Variants in KDM5A observed in about 807,000 individuals in gnomAD.
The protein encoded by KDM5A is lysine-specific demethylase 5A.
A neutral mutation model predicts 193.5 loss-of-function variants in KDM5A; 42 were observed. The ratio of observed to expected loss-of-function variants is 0.22; its 90% CI spans 0.17 to 0.28. The LOEUF is 0.28. Among genes scored for constraint, KDM5A ranks in the 10% least tolerant of loss-of-function variants. The pLI is 1.00. For missense variants in KDM5A, 1,692 were observed against 2,055.1 expected (o/e 0.82, Z 3.42); for synonymous variants, 796 against 718.1 (o/e 1.11, Z -1.73).
rs1943147057 is a variant in KDM5A, at chr12:280,783, A to C, written c.*4673T>G. 1 of 232,892 alleles carries C rather than the reference A, an allele frequency of 4.3e-6. No individual in the cohort carries two copies. Among genetic ancestry groups the C allele is most frequent in the African/African-American group, 2.2e-5 (1 of 45,320 alleles). 14.4% of individuals were successfully genotyped at this position (232,892 alleles called of 1,614,324 possible). ...GAGGAAATGTGTTGGTCATCACTGGATTCTTGCTGGAAACAGAAGGCAGGT... is the reference window on the plus strand; with the variant it reads ...GAGGAAATGTGTTGGTCATCACTGGCTTCTTGCTGGAAACAGAAGGCAGGT... On this transcript the variant is annotated 3_prime_UTR_variant, in exon 28 of 28. Coordinates refer to ENST00000399788, the MANE Select transcript of KDM5A (RefSeq NM_001042603.3).
rs1591892763 is a variant in KDM5A at position 285,258 on chromosome 12, A to C, written c.*198T>G. On this transcript the variant is annotated 3_prime_UTR_variant, in exon 28 of 28. Transcript: ENST00000399788. Reference sequence around the variant, plus strand: ...TATTGGCTGTTGTACCAAAGAAGACACCCTCTGCATAGATATGTTGATAGA... The same window carrying C: ...TATTGGCTGTTGTACCAAAGAAGACCCCCTCTGCATAGATATGTTGATAGA... 1 of 602,078 alleles carries C rather than the reference A, an allele frequency of 1.7e-6. No individual in the cohort carries two copies. The highest frequency in any genetic ancestry group is 2.8e-5 in the East Asian group (1 of 36,266). 37.3% of individuals were successfully genotyped at this position (602,078 alleles called of 1,614,324 possible).
At chr12:369,011 G>C (rs1944391437) in intron 3 of KDM5A, among the ~76,000 whole-genome samples, 1 of 152,122 alleles carries the variant, frequency 6.6e-6, no homozygotes, top group Non-Finnish European at 1.5e-5. Context: ...GCTTTATGAT[G>C]TTATTATAAA....
At chr12:289,907 C>CT (rs750918968) in intron 27 of KDM5A, among the ~76,000 whole-genome samples, 3,066 of 99,618 alleles carry the variant, frequency 0.031, 93 homozygotes, top group African/African-American at 0.061. Flanking sequence ...TTCTTTCTTT[C>CT]TTTTTTTTTT....
intron 18 of KDM5A, 112 bp downstream of exon 18, chr12:320,883 A>AG (rs1943708646): frequency 2.5e-6 from 2 of 815,816 alleles, no homozygotes; most frequent in Middle Eastern, 4.5e-4. Context: ...TATATGTGAG[A>AG]GAAAAAAAAA....
chr12:334,659 A>G (rs1310389868), intron 10 of KDM5A, among the ~76,000 whole-genome samples: 1 of 152,090 alleles, frequency 6.6e-6, no homozygotes, highest in Non-Finnish European at 1.5e-5. Context: ...TTTACTCCAA[A>G]GCACATGAGC....
chr12:298,731 G>A (rs1036709062), intron 24 of KDM5A, among the ~76,000 whole-genome samples: 4 of 152,050 alleles, frequency 2.6e-5, no homozygotes, highest in African/African-American at 9.7e-5. Context: ...GCTTCAGAAG[G>A]TGGGTAATAA....
rs1312012549 is a variant in KDM5A at position 333,476 on chromosome 12, A to G, written c.1653+11T>C. 1 of 1,613,990 alleles carries G rather than the reference A, an allele frequency of 6.2e-7. No individual in the cohort carries two copies. The highest frequency in any genetic ancestry group is 1.1e-5 in the South Asian group (1 of 91,080). On this transcript the variant is annotated intron_variant, in intron 12 of 27. Coordinates refer to ENST00000399788, the MANE Select transcript of KDM5A (RefSeq NM_001042603.3). ...AAACAAACAACTGAAGGAAGACACCAAAAGACTCACAGGCACACCATGCTC... is the reference window on the plus strand; with the variant it reads ...AAACAAACAACTGAAGGAAGACACCGAAAGACTCACAGGCACACCATGCTC...
intron 6 of KDM5A, 115 bp downstream of exon 6, chr12:356,317 C>A (rs1251600665): frequency 3.1e-5 from 23 of 744,736 alleles, no homozygotes; most frequent in Non-Finnish European, 5.2e-5. Flanking sequence ...AACCACATTG[C>A]GATTTTACAA....
At chr12:338,077 G>C (rs1438432632) in intron 10 of KDM5A, among the ~76,000 whole-genome samples, 1 of 152,248 alleles carries the variant, frequency 6.6e-6, no homozygotes, top group African/African-American at 2.4e-5. Context: ...GCAGAGAGCA[G>C]CAGTATGCAC....
intron 9 of KDM5A, 93 bp downstream of exon 9, chr12:352,085 CAAAGCAAGACTCCGTCTCAAAAAAAAA>C: frequency 1.2e-6 from 1 of 867,270 alleles, no homozygotes; most frequent in East Asian, 2.8e-5. Context: ...GCCTGGGCGA[CAAAGCAAGACTCCGTCTCAAAAAAAAA>C]AAAAAAAAAA....
At chr12:317,378 C>T (rs1478480665) in intron 19 of KDM5A, among the ~76,000 whole-genome samples, 1 of 152,208 alleles carries the variant, frequency 6.6e-6, no homozygotes, top group African/African-American at 2.4e-5. Flanking sequence ...ACCACCCAAG[C>T]TCACCATGAT....
intron 3 of KDM5A, among the ~76,000 whole-genome samples, chr12:370,822 G>A (rs141147233): frequency 2.0e-5 from 3 of 152,228 alleles, no homozygotes; most frequent in African/African-American, 4.8e-5. Context: ...GTGTCCAAGT[G>A]TTCTCATTGT....
chr12:313,083 T>C lies in KDM5A; in HGVS notation c.3009A>G (p.Glu1003=), dbSNP rs368233821. The change falls in exon 20 of 28, where the codon GAA becomes GAG. Residue 1003 remains glutamate, a synonymous_variant. Coordinates refer to ENST00000399788, the MANE Select transcript of KDM5A (RefSeq NM_001042603.3). ...SLKEALQKAR[E]WTAKVEAIQS... The stretch of plus-strand genomic sequence containing the variant: ...GAATAGCTTCCACTTTAGCGGTCCA[T>C]TCTCGAGCCTTTTGTAAGGCTTCTT... 967 of 1,614,054 alleles carry C rather than the reference T, an allele frequency of 6.0e-4. 3 individuals carry two copies. The highest frequency in any genetic ancestry group is 7.3e-4 in the Non-Finnish European group (865 of 1,180,018).
At chr12:379,492 A>T (rs1200145552) in intron 3 of KDM5A, among the ~76,000 whole-genome samples, 1 of 152,158 alleles carries the variant, frequency 6.6e-6, no homozygotes, top group Non-Finnish European at 1.5e-5. Flanking sequence ...AATTTATTGA[A>T]CTGTACGCTT....
In KDM5A at chr12:350,726, A is replaced by G; in HGVS notation, c.1203T>C (p.Ile401=). The G allele has an allele frequency of 6.2e-7, 1 of 1,614,096 alleles. No individual in the cohort carries two copies. The highest frequency in any genetic ancestry group is 2.2e-5 in the East Asian group (1 of 44,876). ...CATATTCCACAATAACATCTTCTTC[A>G]ATGCTGCTTACCAGCCGCCAAAATT... ...EKEFWRLVSS[I]EEDVIVEYGA... Residue 401 remains isoleucine, a synonymous_variant, in exon 10 of 28, where the codon ATT becomes ATC. Coordinates refer to ENST00000399788, the MANE Select transcript of KDM5A (RefSeq NM_001042603.3).
At chr12:292,224 G>A (rs1949695858) in intron 27 of KDM5A, among the ~76,000 whole-genome samples, 1 of 152,112 alleles carries the variant, frequency 6.6e-6, no homozygotes, top group South Asian at 2.1e-4. Flanking sequence ...TGCATTTATA[G>A]GTTTGAATTA....
Position 354,896 on chromosome 12 carries a change from T to C in KDM5A, c.870+262A>G, listed in dbSNP as rs150573736. Among the ~76,000 whole-genome samples, 334 of 152,328 alleles carry C rather than the reference T, an allele frequency of 2.2e-3. 2 individuals are homozygous for C. The highest frequency in any genetic ancestry group is 7.4e-3 in the African/African-American group (308 of 41,580). ...GAATGAATACTGAGACTGTCTATAA[T>C]AGAACTCAACGACTTACACAGATTC... On this transcript the variant is annotated intron_variant, in intron 7 of 27. Transcript: ENST00000399788.
At chr12:309,781 A>G (rs766876402) in intron 22 of KDM5A, 22 bp downstream of exon 22, 1 of 1,613,690 alleles carries the variant, frequency 6.2e-7, no homozygotes, top group South Asian at 1.1e-5. Context: ...AAGCAAACTC[A>G]AGATGCTAGG....
rs74665848 is a variant in KDM5A, at chr12:284,638, C to T, written c.*818G>A. On this transcript the variant is annotated 3_prime_UTR_variant, in exon 28 of 28. Coordinates refer to ENST00000399788, the MANE Select transcript of KDM5A (RefSeq NM_001042603.3). ...CTGGTCATCATCGTCATCTTCTTCT[C>T]TTTTTTTTTTTGGCAGAAGCCTGGA... is the stretch of plus-strand genomic sequence containing the variant. 1 of 204,502 alleles carries T rather than the reference C, an allele frequency of 4.9e-6. No homozygotes were observed. The highest frequency in any genetic ancestry group is 9.9e-6 in the Non-Finnish European group (1 of 101,498). 12.7% of individuals were successfully genotyped at this position (204,502 alleles called of 1,614,324 possible).
Sources: allele counts gnomAD v4.1 joint callset (sites outside exome capture counted in the v4.1 genomes callset), GRCh38; gene constraint gnomAD v4.1.1; transcripts MANE v1.5; gene names NCBI Gene and HGNC (gene_info 2026-07-23, HGNC 2026-07-21).